Variants in UBE2F observed in about 807,000 individuals in gnomAD.
UBE2F encodes NEDD8-conjugating enzyme UBE2F.
A neutral mutation model predicts 29.6 loss-of-function variants in UBE2F; 5 were observed. The ratio of observed to expected loss-of-function variants is 0.17; its 90% CI spans 0.09 to 0.36. The LOEUF (loss-of-function observed/expected upper bound fraction) is 0.36. Ranked by LOEUF, UBE2F falls within the 10% of genes least tolerant of loss-of-function variation. UBE2F has a pLI of 1.00. For synonymous variants in UBE2F, 66 were observed against 81.8 expected, an observed-to-expected ratio of 0.81 and a Z score of 1.04; for missense variants, 141 against 228.5, an observed-to-expected ratio of 0.62 and a Z score of 2.47.
intron 1 of UBE2F, among the ~76,000 whole-genome samples, chr2:237,971,315 AATTT>A (rs2063171958): frequency 6.6e-6 from 1 of 152,094 alleles, no homozygotes; most frequent in African/African-American, 2.4e-5. Flanking sequence ...AACTGGTGAC[AATTT>A]ATTTTGTTTT....
At chr2:238,008,216 C>T (rs2063947392) in intron 4 of UBE2F, among the ~76,000 whole-genome samples, 1 of 152,174 alleles carries the variant, frequency 6.6e-6, no homozygotes, top group Non-Finnish European at 1.5e-5. Flanking sequence ...AAGTGATCCT[C>T]CCAAAGTGCT....
intron 9 of UBE2F, among the ~76,000 whole-genome samples, chr2:238,039,352 C>T (rs762882493): frequency 6.6e-6 from 1 of 152,206 alleles, no homozygotes; most frequent in Non-Finnish European, 1.5e-5. Context: ...CTCCAGAAAA[C>T]CTTGGCTGGC....
chr2:238,008,294 G>A (rs1181003687), intron 4 of UBE2F, among the ~76,000 whole-genome samples: 1 of 152,136 alleles, frequency 6.6e-6, no homozygotes, highest in Admixed American at 6.5e-5. Flanking sequence ...ATTCACCTGT[G>A]AAGCCACCTG....
At chr2:238,016,722 T>G (rs2064161977) in intron 5 of UBE2F, 89 bp downstream of exon 5, 2 of 1,109,396 alleles carry the variant, frequency 1.8e-6, no homozygotes, top group Non-Finnish European at 2.7e-6. Context: ...GCCCTAGCAC[T>G]CCCCTCTGCG....
At chr2:237,974,156 G>A (rs573883650) in intron 2 of UBE2F, among the ~76,000 whole-genome samples, 5 of 132,206 alleles carry the variant, frequency 3.8e-5, no homozygotes, top group African/African-American at 1.4e-4. Flanking sequence ...ACCACGCCCA[G>A]CTCATTTTTT....
intron 1 of UBE2F, among the ~76,000 whole-genome samples, chr2:237,968,265 C>G (rs56211495): frequency 0.024 from 3,694 of 152,198 alleles, 145 homozygotes; most frequent in African/African-American, 0.084. Flanking sequence ...GAGGACCCCC[C>G]ACCTGGACAT....
intron 5 of UBE2F, among the ~76,000 whole-genome samples, chr2:238,021,883 G>C (rs1324486270): frequency 6.6e-6 from 1 of 152,218 alleles, no homozygotes; most frequent in Admixed American, 6.5e-5. Context: ...TAAGTCTGGG[G>C]CATGCATCTT....
rs896697599 is a variant in UBE2F at position 238,041,511 on chromosome 2, A to T, written c.*173A>T. On this transcript the variant is annotated 3_prime_UTR_variant, in exon 10 of 10. Transcript: ENST00000272930. The stretch of plus-strand genomic sequence containing the variant: ...CCATCTTCATGACTGCTCATTGTAG[A>T]TGGAGAATTCAACATAAATACAGCA... 1.7e-5 allele frequency: 10 copies of T among 593,404 alleles called. No individual in the cohort carries two copies. The highest frequency in any genetic ancestry group is 4.5e-4 in the Middle Eastern group (1 of 2,198). The allele number at this position is 593,404 out of a possible 1,614,324, so 36.8% of individuals were successfully genotyped here.
At chr2:238,016,498 T>G in intron 4 of UBE2F, 68 bp from the exon 5 acceptor site, 4 of 1,377,334 alleles carry the variant, frequency 2.9e-6, no homozygotes, top group Non-Finnish European at 4.1e-6. Context: ...TAACAGAGTG[T>G]TTGCTTTTTG....
chr2:237,973,565 A>G (rs1576586836), intron 2 of UBE2F: 1 of 747,852 alleles, frequency 1.3e-6, no homozygotes, highest in East Asian at 6.4e-5. Context: ...TTTCTTTCTG[A>G]TTCTCAGCAC....
At chr2:238,037,369 A>G (rs553402594) in intron 9 of UBE2F, among the ~76,000 whole-genome samples, 2 of 152,374 alleles carry the variant, frequency 1.3e-5, no homozygotes, top group Admixed American at 1.3e-4. Flanking sequence ...ACAAGCCTTG[A>G]GGAGGGGAAG....
chr2:237,972,781 A>G (rs2063203304), intron 1 of UBE2F, among the ~76,000 whole-genome samples: 1 of 151,930 alleles, frequency 6.6e-6, no homozygotes, highest in Non-Finnish European at 1.5e-5. Context: ...TTGAGCTCTT[A>G]GGCTCAAGCA....
At chr2:238,028,204 A>AT (rs747701170) in intron 6 of UBE2F, among the ~76,000 whole-genome samples, 17 of 152,230 alleles carry the variant, frequency 1.1e-4, no homozygotes, top group Non-Finnish European at 2.1e-4. Context: ...TGGCCACCAC[A>AT]TGCTGGGGCC....
rs1559195043 is a variant in UBE2F, at chr2:237,967,633, G to A, written c.-17+501G>A. Among the ~76,000 whole-genome samples the A allele has an allele frequency of 6.6e-6, 1 of 152,238 alleles. No homozygotes were observed. The highest frequency in any genetic ancestry group is 1.5e-5 in the Non-Finnish European group (1 of 68,034). On this transcript the variant is annotated intron_variant, in intron 1 of 9. Transcript: ENST00000272930. This position sits in a 1 kb window ranked among gnomAD's most constrained non-coding sequence, Gnocchi z 6.3. ...CAGGAGTCGCGCTAGGCCGTGAGGA[G>A]CGGGGGAGGTGAGGGGAGTGACAAC...
At chr2:237,970,753 T>C (rs1322356643) in intron 1 of UBE2F, among the ~76,000 whole-genome samples, 2 of 152,246 alleles carry the variant, frequency 1.3e-5, no homozygotes, top group Non-Finnish European at 2.9e-5. Flanking sequence ...TCACTCTTGT[T>C]GCCCAGGCTG....
Position 238,040,828 on chromosome 2 carries a change from G to A in UBE2F, c.508-460G>A, listed in dbSNP as rs1243838882. Among the ~76,000 whole-genome samples the A allele has an allele frequency of 6.6e-6, 1 of 152,114 alleles. No individual in the cohort carries two copies. Among genetic ancestry groups the A allele is most frequent in the East Asian group, 1.9e-4 (1 of 5,176 alleles). On this transcript the variant is annotated intron_variant, in intron 9 of 9. Coordinates refer to ENST00000272930, the MANE Select transcript of UBE2F (RefSeq NM_080678.3). This position sits in a 1 kb window ranked among gnomAD's most constrained non-coding sequence, Gnocchi z 4.4. ...AGAAGAGATGGGGGCCTGTACATGGGCTGTGAAGAGCAGGCACATTTTAAG... is the reference window on the plus strand; with the variant it reads ...AGAAGAGATGGGGGCCTGTACATGGACTGTGAAGAGCAGGCACATTTTAAG...
In UBE2F at chr2:238,041,466, C is replaced by A. The variant is rs1056640362; in HGVS notation, c.*128C>A. ...CCCCTGGATTGCCCCAGTCCTGTGA[C>A]CATGTTGCCCTGAAGAAGACCATCT... On this transcript the variant is annotated 3_prime_UTR_variant, in exon 10 of 10. Transcript: ENST00000272930. The A allele has an allele frequency of 1.1e-5, 9 of 835,566 alleles. No homozygotes were observed. The South Asian group carries it at 1.4e-4, about 13-fold the overall frequency. The allele number at this position is 835,566 out of a possible 1,614,324, so 51.8% of individuals were successfully genotyped here. A position where few individuals can be genotyped will look rare whatever the true frequency, so the allele number is the denominator to read the frequency against.
At chr2:237,999,882 T>C (rs1200004620) in intron 4 of UBE2F, among the ~76,000 whole-genome samples, 2 of 150,138 alleles carry the variant, frequency 1.3e-5, no homozygotes, top group Non-Finnish European at 2.9e-5. Context: ...TGGAGTGCAG[T>C]GGCGCGATCT....
intron 1 of UBE2F, among the ~76,000 whole-genome samples, chr2:237,969,994 C>A (rs1254664923): frequency 6.6e-6 from 1 of 152,104 alleles, no homozygotes; most frequent in South Asian, 2.1e-4. Flanking sequence ...TTTATTGAGG[C>A]GTAATTGAAA....
Sources: allele counts gnomAD v4.1 joint callset (sites outside exome capture counted in the v4.1 genomes callset), GRCh38; gene constraint gnomAD v4.1.1; non-coding constraint Gnocchi (gnomAD v3.1); transcripts MANE v1.5; gene names NCBI Gene and HGNC (gene_info 2026-07-23, HGNC 2026-07-21).